The following LONP1 variants were observed in gnomAD, a reference collection of about 807,000 sequenced individuals.
LONP1 encodes the protein lon protease homolog, mitochondrial.
In LONP1, 31 loss-of-function variants were observed where a neutral mutation model predicts 98.5. That is an observed-to-expected ratio of 0.31 (90% CI 0.24 to 0.42). The LOEUF (loss-of-function observed/expected upper bound fraction) is 0.42, where lower values mean the gene tolerates loss of function less well. LONP1 is among the 20% of genes least tolerant of loss of function. The probability of loss-of-function intolerance (pLI) is 1.00; values close to 1 mark genes in which losing one functional copy is unlikely to be tolerated. For missense variants in LONP1, 1,336 were observed against 1,350.6 expected, an observed-to-expected ratio of 0.99 and a Z score of 0.17; for synonymous variants, 781 against 594.7, an observed-to-expected ratio of 1.31 and a Z score of -4.56.
In LONP1 at chr19:5,696,098, T is replaced by C; in HGVS notation, c.1969A>G (p.Asn657Asp). ...EPLRDRMEMI[N>D]VSGYVAQEKL... is the part of the protein sequence containing the mutation. ...TCCTGGGCCACGTAGCCCGACACGT[T>C]GATCATCTCCATACGGTCTCGCAGC... is the stretch of plus-strand genomic sequence containing the variant. Residue 657 changes from asparagine to aspartate, a missense_variant, in exon 13 of 18, where the codon AAC becomes GAC. Physicochemically the swap from Asn to Asp is conservative, Grantham distance 23. Around this residue, in one of 5 missense-constraint regions of LONP1, gnomAD observed 555 missense variants for 542.6 expected, o/e 1.02. Coordinates refer to ENST00000360614, the MANE Select transcript of LONP1 (RefSeq NM_004793.4). 4 of 1,613,082 alleles carry C rather than the reference T, an allele frequency of 2.5e-6. No individual in the cohort carries two copies. The highest frequency in any genetic ancestry group is 2.5e-6 in the Non-Finnish European group (3 of 1,179,896).
rs1289452771 is a variant in LONP1, at chr19:5,699,651, G to A, written c.1507-446C>T. 3.4e-5 allele frequency among the ~76,000 whole-genome samples: 5 copies of A among 148,728 alleles called. No individual in the cohort carries two copies. The East Asian group carries it at 7.9e-4, about 23-fold the overall frequency. On this transcript the variant is annotated intron_variant, in intron 9 of 17. Transcript: ENST00000360614. The stretch of plus-strand genomic sequence containing the variant: ...CATCTCACTGCAACCTCAGCCTCCT[G>A]GGTTCAAGCAATTCTCCTGCCTCAG...
rs763396586 is a variant in LONP1, at chr19:5,711,753, C to T, written c.870+18G>A. On this transcript the variant is annotated intron_variant, in intron 4 of 17. Coordinates refer to ENST00000360614, the MANE Select transcript of LONP1 (RefSeq NM_004793.4). ...GGGGGAGGCAGCTGTGGCCGCCCTG[C>T]GTGACGCACGGACTCACTTTCACCT... 5.0e-6 allele frequency: 8 copies of T among 1,592,632 alleles called. No homozygotes were observed. Among genetic ancestry groups the T allele is most frequent in the East Asian group, 2.2e-5 (1 of 44,480 alleles).
intron 17 of LONP1, 148 bp downstream of exon 17, chr19:5,693,150 A>AGG: frequency 2.1e-6 from 2 of 959,404 alleles, no homozygotes; most frequent in Non-Finnish European, 3.0e-6. Context: ...GGTGAGCTTA[A>AGG]GGCCAGCTCC....
At chr19:5,705,671 G>C in intron 8 of LONP1, 101 bp downstream of exon 8, 2 of 986,728 alleles carry the variant, frequency 2.0e-6, no homozygotes, top group Non-Finnish European at 3.1e-6. Context: ...GCCACACCAA[G>C]AAGGTGCCAC....
chr19:5,711,727 T>C (rs1300669456), intron 4 of LONP1, 44 bp downstream of exon 4: 5 of 1,531,208 alleles, frequency 3.3e-6, no homozygotes, highest in African/African-American at 2.7e-5. Flanking sequence ...AGGGAGCCCG[T>C]GGGGGAGGCA....
At chr19:5,710,854 C>T (rs1023713554) in intron 4 of LONP1, among the ~76,000 whole-genome samples, 1 of 152,018 alleles carries the variant, frequency 6.6e-6, no homozygotes, top group African/African-American at 2.4e-5. Context: ...GGTAAAACCT[C>T]GTCTCTACTA....
intron 1 of LONP1, among the ~76,000 whole-genome samples, chr19:5,718,713 G>A (rs1043158900): frequency 6.6e-6 from 1 of 151,412 alleles, no homozygotes; most frequent in Non-Finnish European, 1.5e-5. Flanking sequence ...TTTTTTTTAA[G>A]GGAAGGGGAG....
rs952947885 is a variant in LONP1 at position 5,693,709 on chromosome 19, C to A, written c.2381G>T (p.Gly794Val). The change falls in exon 16 of 18, where the codon GGT becomes GTT. Residue 794 changes from glycine to valine, a missense_variant. Around this residue, in one of 5 missense-constraint regions of LONP1, gnomAD observed 555 missense variants for 542.6 expected, o/e 1.02. Coordinates refer to ENST00000360614, the MANE Select transcript of LONP1 (RefSeq NM_004793.4). The stretch of plus-strand genomic sequence containing the variant: ...CACCTCCAGGCTGCCATCCTTGTCA[C>A]CCTTGGCATCCTTGTCCTGTGGCCG... ...LRRPQDKDAKGDKDGSLEVTG... is the reference protein window; with the variant it reads ...LRRPQDKDAKVDKDGSLEVTG... 1 of 1,614,076 alleles carries A rather than the reference C, an allele frequency of 6.2e-7. No individual in the cohort carries two copies. The highest frequency in any genetic ancestry group is 8.5e-7 in the Non-Finnish European group (1 of 1,179,988).
chr19:5,707,596 G>A (rs562271979), intron 6 of LONP1, 101 bp downstream of exon 6: 15 of 1,279,748 alleles, frequency 1.2e-5, no homozygotes, highest in East Asian at 7.0e-5. Context: ...AGCCAGGCAT[G>A]GGGGAGCTGA....
Position 5,693,372 on chromosome 19 carries a change from G to A in LONP1, c.2629C>T (p.Leu877=), listed in dbSNP as rs181619251. Reference sequence around the variant, plus strand: ...AGGGAGACTTCGCCAGTCATGGCCAGATTCTGCCGGACAGGCCTGCCCATG... The same window carrying A: ...AGGGAGACTTCGCCAGTCATGGCCAAATTCTGCCGGACAGGCCTGCCCATG... ...LAMGRPVRQN[L]AMTGEVSLTG... is the part of the protein sequence containing the mutation. The change falls in exon 17 of 18, where the codon CTG becomes TTG. Residue 877 remains leucine, a synonymous_variant. Coordinates refer to ENST00000360614, the MANE Select transcript of LONP1 (RefSeq NM_004793.4). 21 of 1,613,500 alleles carry A rather than the reference G, an allele frequency of 1.3e-5. No homozygotes were observed. The highest frequency in any genetic ancestry group is 8.3e-5 in the Admixed American group (5 of 60,028).
chr19:5,695,234 G>A (rs1274379093), intron 13 of LONP1, among the ~76,000 whole-genome samples: 1 of 152,144 alleles, frequency 6.6e-6, no homozygotes, highest in African/African-American at 2.4e-5. Flanking sequence ...TGGTTACGTG[G>A]CTGCTGCCCT....
chr19:5,693,190 G>C (rs1263023450), intron 17 of LONP1, 108 bp downstream of exon 17: 1 of 1,390,548 alleles, frequency 7.2e-7, no homozygotes. Context: ...CCAAAGCCCA[G>C]GGCTTCCCTC....
At chr19:5,700,163 G>T (rs1291444950) in intron 9 of LONP1, among the ~76,000 whole-genome samples, 1 of 151,950 alleles carries the variant, frequency 6.6e-6, no homozygotes, top group African/African-American at 2.4e-5. Flanking sequence ...GCCCAGGCTG[G>T]AGTGCAATGG....
At position 5,693,773 on chromosome 19, in the gene LONP1, A is replaced by C. The variant is rs924000741; in HGVS notation, c.2321-4T>G. ...TCCACAAACAGCGTGGAGCCTCCTG[A>C]AACAGGTGTGGAGCTGTGAACACGG... On this transcript the variant is annotated splice_polypyrimidine_tract_variant and splice_region_variant and intron_variant, in intron 15 of 17. Coordinates refer to ENST00000360614, the MANE Select transcript of LONP1 (RefSeq NM_004793.4). 5 of 1,612,700 alleles carry C rather than the reference A, an allele frequency of 3.1e-6. No individual in the cohort carries two copies. Among genetic ancestry groups the C allele is most frequent in the Non-Finnish European group, 4.2e-6 (5 of 1,179,568 alleles).
At position 5,692,065 on chromosome 19, in the gene LONP1, G is replaced by A. The variant is rs200774149; in HGVS notation, c.2847C>T (p.Asp949=). The A allele has an allele frequency of 1.5e-5, 24 of 1,607,704 alleles. No individual in the cohort carries two copies. Among genetic ancestry groups the A allele is most frequent in the South Asian group, 3.3e-5 (3 of 90,824 alleles). The change falls in exon 18 of 18, where the codon GAC becomes GAT. Residue 949 remains aspartate (D), a synonymous_variant. Transcript: ENST00000360614. ...CCACGGCCAGCGCCTCTGCCTGCTC[G>A]TCCGGGAAGGCGATGTCGAAGATCT... ...YREIFDIAFP[D]EQAEALAVER
chr19:5,715,229 G>C (rs1212156165), intron 1 of LONP1, among the ~76,000 whole-genome samples: 2 of 151,716 alleles, frequency 1.3e-5, no homozygotes, highest in Non-Finnish European at 2.9e-5. Flanking sequence ...GGGATGTCCA[G>C]GGCAAACTGT....
At position 5,693,554 on chromosome 19, in the gene LONP1, C is replaced by G; in HGVS notation, c.2536G>C (p.Glu846Gln). The G allele has an allele frequency of 6.2e-7, 1 of 1,613,962 alleles. No homozygotes were observed. The highest frequency in any genetic ancestry group is 2.2e-5 in the East Asian group (1 of 44,866). ...GTGGGAGCGGATGGCGCGGTCACCT[C>G]GGGCACATGCAGGTGGATGTGTGAG... ...VTSHIHLHVPEGATPKDGPSA... is the reference protein window; with the variant it reads ...VTSHIHLHVPQGATPKDGPSA... Residue 846 changes from glutamate to glutamine, a missense_variant and splice_region_variant, in exon 16 of 18, where the codon GAG (glutamate) becomes CAG (glutamine). This residue lies in a region of LONP1 where 555 missense variants were observed against 542.6 expected (regional missense o/e 1.02). Coordinates refer to ENST00000360614, the MANE Select transcript of LONP1 (RefSeq NM_004793.4).
chr19:5,707,958 G>A (rs896163509), intron 5 of LONP1, 132 bp from the exon 6 acceptor site: 22 of 1,037,474 alleles, frequency 2.1e-5, no homozygotes, highest in Non-Finnish European at 2.9e-5. Context: ...GTGCTCGCTG[G>A]GAGCCAGCTC....
intron 1 of LONP1, among the ~76,000 whole-genome samples, chr19:5,719,466 C>A (rs1350339042): frequency 1.3e-5 from 2 of 152,190 alleles, no homozygotes; most frequent in African/African-American, 4.8e-5. Context: ...GTGGATAATC[C>A]TAGGCTCATC....
Sources: gnomAD v4.1 joint callset for allele counts (sites outside exome capture counted in the v4.1 genomes callset) on GRCh38, gnomAD v4.1.1 for gene constraint, gnomAD v4.1.1 regional missense constraint, MANE v1.5 for transcripts, NCBI Gene and HGNC (gene_info 2026-07-23, HGNC 2026-07-21) for gene names.